The following PLCE1 variants were observed in gnomAD, a reference collection of about 807,000 sequenced individuals.
The protein encoded by PLCE1 is 1-phosphatidylinositol 4,5-bisphosphate phosphodiesterase epsilon-1.
A neutral mutation model predicts 242.8 loss-of-function variants in PLCE1; 119 were observed. The observed-to-expected ratio is 0.49, with a 90% confidence interval of 0.42 to 0.57. The LOEUF (loss-of-function observed/expected upper bound fraction) is 0.57. Among genes scored for constraint, PLCE1 ranks in the 20% least tolerant of loss-of-function variants. The pLI is 0.00. For missense variants in PLCE1, 2,441 were observed against 2,788.8 expected (o/e 0.88, Z 2.81); for synonymous variants, 945 against 1,017.4 (o/e 0.93, Z 1.35).
chr10:94,032,430 G>A (rs998689574), intron 2 of PLCE1, among the ~76,000 whole-genome samples, 178 bp downstream of exon 2: 1 of 152,094 alleles, frequency 6.6e-6, no homozygotes, highest in Non-Finnish European at 1.5e-5. Flanking sequence ...TATCAAGATT[G>A]AGTTGATACT....
intron 4 of PLCE1, among the ~76,000 whole-genome samples, chr10:94,220,525 CTG>C (rs1478038481): frequency 1.3e-5 from 2 of 151,076 alleles, no homozygotes; most frequent in African/African-American, 4.9e-5. Flanking sequence ...TAAGAGAAGA[CTG>C]TACTCGGGGC....
rs528888216 is a variant in PLCE1 at position 93,998,887 on chromosome 10, T to A, written c.-365+4629T>A. On this transcript the variant is annotated intron_variant, in intron 1 of 32. Coordinates refer to ENST00000371380, the MANE Select transcript of PLCE1 (RefSeq NM_016341.4). ...TCCTGGATGATCTGGGTGGGCTCAG[T>A]CTAATCTCGAGTGTTCTTAGAAGAA... Among the ~76,000 whole-genome samples the A allele has an allele frequency of 5.4e-4, 83 of 152,294 alleles. No homozygotes were observed. In the Middle Eastern group the frequency reaches 0.017, roughly 31 times the overall value.
chr10:94,279,097 G>A (rs1308055531), intron 19 of PLCE1, among the ~76,000 whole-genome samples: 2 of 152,088 alleles, frequency 1.3e-5, no homozygotes, highest in African/African-American at 4.8e-5. Flanking sequence ...GTTCATGCAA[G>A]TAACGTTTCC....
chr10:94,291,689 G>A (rs893316290), intron 22 of PLCE1, among the ~76,000 whole-genome samples: 1 of 152,122 alleles, frequency 6.6e-6, no homozygotes, highest in Non-Finnish European at 1.5e-5. Flanking sequence ...GATCACTTGA[G>A]GTCAGGAGTT....
chr10:94,004,430 A>G (rs541289882), intron 1 of PLCE1, among the ~76,000 whole-genome samples: 1 of 152,346 alleles, frequency 6.6e-6, no homozygotes, highest in Non-Finnish European at 1.5e-5. Flanking sequence ...TTCCTAAGGC[A>G]TATAGAAATG....
chr10:94,297,825 A>T (rs1246188918), intron 23 of PLCE1, among the ~76,000 whole-genome samples: 1 of 152,066 alleles, frequency 6.6e-6, no homozygotes, highest in Non-Finnish European at 1.5e-5. Flanking sequence ...TCACTTCTTC[A>T]CTGATACATT....
intron 3 of PLCE1, among the ~76,000 whole-genome samples, chr10:94,141,570 TAAGGGAAGGTGAAGG>T (rs2046961698): frequency 1.2e-5 from 1 of 80,942 alleles, no homozygotes; most frequent in Admixed American, 1.2e-4. Context: ...AAGGGAAGGC[TAAGGGAAGGTGAAGG>T]GAAGGCTAAG....
At chr10:94,246,697 G>T (rs577731316) in intron 8 of PLCE1, 76 bp downstream of exon 8, 538 of 1,356,442 alleles carry the variant, frequency 4.0e-4, no homozygotes, top group Non-Finnish European at 5.5e-4. Flanking sequence ...AGACCACCAG[G>T]TTCATGCTCC....
At chr10:94,300,383 T>A (rs1443397488) in intron 24 of PLCE1, among the ~76,000 whole-genome samples, 1 of 152,214 alleles carries the variant, frequency 6.6e-6, no homozygotes, top group East Asian at 1.9e-4. Context: ...TGAGAGTACG[T>A]CTTTAAGCCG....
chr10:94,140,832 T>G (rs1238216205), intron 3 of PLCE1, among the ~76,000 whole-genome samples: 2 of 152,226 alleles, frequency 1.3e-5, no homozygotes, highest in East Asian at 3.8e-4. Context: ...CTTGTTAGTA[T>G]TGTGACCTTG....
Position 94,031,693 on chromosome 10 carries a change from G to A in PLCE1, c.647G>A (p.Cys216Tyr), listed in dbSNP as rs752701924. The part of the protein sequence containing the change: ...ENLILDDCGN[C>Y]VPLPGGEEKQ... The stretch of plus-strand genomic sequence containing the variant: ...TTAATTTTAGACGATTGTGGAAATT[G>A]TGTACCACTACCTGGGGGTGAGGAG... The change falls in exon 2 of 33, where the codon TGT (cysteine) becomes TAT (tyrosine). Residue 216 changes from cysteine (C) to tyrosine (Y), a missense_variant. Cys to Tyr is a radical substitution (Grantham distance 194, BLOSUM62 -2). Transcript: ENST00000371380. 38 of 1,613,774 alleles carry A rather than the reference G, an allele frequency of 2.4e-5. No homozygotes were observed. Among genetic ancestry groups the A allele is most frequent in the Non-Finnish European group, 3.2e-5 (38 of 1,179,894 alleles).
chr10:94,232,148 G>A (rs571228712), intron 5 of PLCE1, among the ~76,000 whole-genome samples: 78 of 152,302 alleles, frequency 5.1e-4, no homozygotes, highest in Non-Finnish European at 4.6e-4. Flanking sequence ...TGCTCTTGGA[G>A]GAATACACTA....
chr10:94,151,056 T>C (rs2047258954), intron 3 of PLCE1, among the ~76,000 whole-genome samples: 1 of 152,236 alleles, frequency 6.6e-6, no homozygotes, highest in Admixed American at 6.5e-5. Context: ...TGTCCTGTTT[T>C]ATACCAAATC....
chr10:94,320,920 G>A (rs572796760), intron 29 of PLCE1, among the ~76,000 whole-genome samples: 4 of 152,268 alleles, frequency 2.6e-5, no homozygotes, highest in African/African-American at 7.2e-5. Context: ...ATTTTGTGGC[G>A]AATAAGGTGG....
chr10:94,149,818 A>T (rs1365850938), intron 3 of PLCE1, among the ~76,000 whole-genome samples: 1 of 152,212 alleles, frequency 6.6e-6, no homozygotes. Flanking sequence ...GTTCTGGTTG[A>T]TGATTCTTCC....
rs569867088 is a variant in PLCE1 at position 94,234,432 on chromosome 10, T to C, written c.2214+120T>C. 33 of 1,110,854 alleles carry C rather than the reference T, an allele frequency of 3.0e-5. 2 individuals carry two copies. The highest frequency in any genetic ancestry group is 1.3e-4 in the South Asian group (10 of 76,924). The allele number at this position is 1,110,854 out of a possible 1,614,324, so 68.8% of individuals were successfully genotyped here. A position where few individuals can be genotyped will look rare whatever the true frequency, so the allele number is the denominator to read the frequency against. On this transcript the variant is annotated intron_variant, in intron 6 of 32. Transcript: ENST00000371380. ...TTGAACACAGGGTTAATAGTTGTTA[T>C]ATTATTTCTGGGTAGCACATAGATC...
chr10:94,075,408 C>T (rs995224982), intron 2 of PLCE1, among the ~76,000 whole-genome samples: 5 of 152,152 alleles, frequency 3.3e-5, no homozygotes, highest in Admixed American at 6.5e-5. Flanking sequence ...TGTTAATGTC[C>T]ATGTTGGTTT....
At chr10:94,071,924 T>C (rs148854016) in intron 2 of PLCE1, among the ~76,000 whole-genome samples, 179 of 152,302 alleles carry the variant, frequency 1.2e-3, no homozygotes, top group African/African-American at 4.1e-3. Flanking sequence ...CGTTTCTCTT[T>C]CATTTCATTG....
At chr10:94,171,747 A>G (rs1255005793) in intron 4 of PLCE1, among the ~76,000 whole-genome samples, 2 of 151,688 alleles carry the variant, frequency 1.3e-5, no homozygotes, top group African/African-American at 4.8e-5. Context: ...CAGTCCACCA[A>G]TCCTAGTCCC....
Sources: allele counts gnomAD v4.1 joint callset (sites outside exome capture counted in the v4.1 genomes callset), GRCh38; gene constraint gnomAD v4.1.1; transcripts MANE v1.5; gene names NCBI Gene and HGNC (gene_info 2026-07-23, HGNC 2026-07-21).